The following KHDRBS3 variants were observed in gnomAD, a reference collection of about 807,000 sequenced individuals.
The protein encoded by KHDRBS3 is KH domain-containing, RNA-binding, signal transduction-associated protein 3.
A neutral mutation model predicts 45.6 loss-of-function variants in KHDRBS3; 23 were observed. The observed-to-expected ratio is 0.50, with a 90% CI of 0.36 to 0.72. The LOEUF is 0.72. Among genes scored for constraint, KHDRBS3 ranks in the 30% least tolerant of loss-of-function variants. KHDRBS3 has a pLI of 0.00. For synonymous variants in KHDRBS3, 162 were observed against 156.5 expected (o/e 1.04, Z -0.26); for missense variants, 352 against 424.8 (o/e 0.83, Z 1.51).
At chr8:135,460,277 G>A (rs528590055) in intron 1 of KHDRBS3, among the ~76,000 whole-genome samples, 1 of 152,244 alleles carries the variant, frequency 6.6e-6, no homozygotes, top group Non-Finnish European at 1.5e-5. Flanking sequence ...GGGCCAGCAT[G>A]GCAAACCTTA....
At chr8:135,624,130 A>G (rs1475438383) in intron 7 of KHDRBS3, among the ~76,000 whole-genome samples, 1 of 152,176 alleles carries the variant, frequency 6.6e-6, no homozygotes, top group Non-Finnish European at 1.5e-5. Context: ...TACCGAAAAT[A>G]CCCCAGCCTT....
intron 1 of KHDRBS3, among the ~76,000 whole-genome samples, chr8:135,491,998 A>G (rs1384446329): frequency 6.6e-6 from 1 of 151,612 alleles, no homozygotes; most frequent in Non-Finnish European, 1.5e-5. Flanking sequence ...GAAATGATTA[A>G]TGTTATTTAA....
intron 7 of KHDRBS3, among the ~76,000 whole-genome samples, chr8:135,641,424 T>G (rs1162129524): frequency 6.6e-6 from 1 of 152,230 alleles, no homozygotes; most frequent in East Asian, 1.9e-4. Flanking sequence ...GCAACAGAGA[T>G]AAAATTCTCA....
intron 7 of KHDRBS3, among the ~76,000 whole-genome samples, chr8:135,639,283 A>T (rs1830957361): frequency 6.6e-6 from 1 of 152,210 alleles, no homozygotes; most frequent in Non-Finnish European, 1.5e-5. Flanking sequence ...GGATATATGA[A>T]GTTGAAGATT....
At chr8:135,651,247 G>A (rs553011757), downstream of KHDRBS3, among the ~76,000 whole-genome samples, 1 of 151,768 alleles carries the variant, frequency 6.6e-6, no homozygotes, top group East Asian at 1.9e-4. Flanking sequence ...CTCTAAACAA[G>A]AGTCTAAACT....
chr8:135,460,858 G>A (rs1821393373), intron 1 of KHDRBS3, among the ~76,000 whole-genome samples: 1 of 152,170 alleles, frequency 6.6e-6, no homozygotes, highest in Non-Finnish European at 1.5e-5. Flanking sequence ...TATAGATGAG[G>A]TGTAGTCGTT....
chr8:135,486,565 G>C (rs1822875863), intron 1 of KHDRBS3, among the ~76,000 whole-genome samples: 1 of 152,208 alleles, frequency 6.6e-6, no homozygotes, highest in Admixed American at 6.5e-5. Context: ...AGGGTTATAT[G>C]ACAGGTTAAG....
chr8:135,539,726 T>C (rs1387660904), intron 2 of KHDRBS3: 1 of 152,152 alleles, frequency 6.6e-6, no homozygotes, highest in African/African-American at 2.4e-5. Context: ...ACTCAGGAGA[T>C]AGAAGTAACT....
intron 1 of KHDRBS3, among the ~76,000 whole-genome samples, chr8:135,511,584 C>T (rs1019820093): frequency 8.5e-5 from 13 of 152,186 alleles, no homozygotes; most frequent in Middle Eastern, 3.4e-3. Context: ...GAGACAGTGT[C>T]TAGCTCTGTC....
intron 1 of KHDRBS3, among the ~76,000 whole-genome samples, chr8:135,488,148 A>G (rs1048738015): frequency 9.2e-5 from 14 of 152,210 alleles, no homozygotes; most frequent in Admixed American, 9.2e-4. Flanking sequence ...TTGCATATAT[A>G]GTTATATGTA....
chr8:135,467,470 C>T (rs1452765988), intron 1 of KHDRBS3, among the ~76,000 whole-genome samples: 1 of 152,248 alleles, frequency 6.6e-6, no homozygotes, highest in Non-Finnish European at 1.5e-5. Flanking sequence ...TCACACATTT[C>T]GTGTAGTGTC....
At chr8:135,524,978 C>T (rs541547138) in intron 2 of KHDRBS3, among the ~76,000 whole-genome samples, 2 of 152,210 alleles carry the variant, frequency 1.3e-5, no homozygotes, top group South Asian at 4.1e-4. Flanking sequence ...ACATCTCTGT[C>T]TACTAATTTC....
chr8:135,587,322 G>A (rs536424108), intron 6 of KHDRBS3, among the ~76,000 whole-genome samples: 14 of 152,228 alleles, frequency 9.2e-5, no homozygotes, highest in African/African-American at 1.2e-4. Flanking sequence ...TTATTATTAC[G>A]GGAGTACGTA....
At chr8:135,635,377 G>GTTTGTTTA (rs1363868954) in intron 7 of KHDRBS3, among the ~76,000 whole-genome samples, 1 of 151,848 alleles carries the variant, frequency 6.6e-6, no homozygotes, top group African/African-American at 2.4e-5. Context: ...AGTAGTGTTT[G>GTTTGTTTA]TTTGTTTGTT....
chr8:135,520,370 A>T (rs375462165), intron 1 of KHDRBS3, among the ~76,000 whole-genome samples: 31 of 152,154 alleles, frequency 2.0e-4, no homozygotes, highest in Admixed American at 1.1e-3. Context: ...TGTGCAACCA[A>T]ATACTATGGG....
At chr8:135,619,266 A>G (rs887251730) in intron 7 of KHDRBS3, among the ~76,000 whole-genome samples, 3 of 152,252 alleles carry the variant, frequency 2.0e-5, no homozygotes, top group African/African-American at 4.8e-5. Context: ...TTGTAAGTTT[A>G]TAAAATAGAA....
chr8:135,527,226 T>G (rs989446604), intron 2 of KHDRBS3, among the ~76,000 whole-genome samples: 2 of 152,170 alleles, frequency 1.3e-5, no homozygotes, highest in African/African-American at 4.8e-5. Context: ...CTGCCAGTTT[T>G]TTTTGGTGAA....
chr8:135,542,360 T>C (rs985222659), intron 2 of KHDRBS3: 4 of 311,964 alleles, frequency 1.3e-5, no homozygotes, highest in Non-Finnish European at 1.8e-5. Flanking sequence ...TAACGTGTGC[T>C]GAAACTGTTA....
intron 1 of KHDRBS3, among the ~76,000 whole-genome samples, chr8:135,481,250 A>ATATATATATATATATATATATATATTTT (rs1285436029): frequency 1.6e-5 from 2 of 125,562 alleles, no homozygotes; most frequent in Admixed American, 8.0e-5. Context: ...ATATATATAT[A>ATATATATATATATATATATATATATTTT]TTTAATGTAA....
Sources: allele counts gnomAD v4.1 joint callset (sites outside exome capture counted in the v4.1 genomes callset), GRCh38; gene constraint gnomAD v4.1.1; transcripts MANE v1.5; gene names NCBI Gene and HGNC (gene_info 2026-07-23, HGNC 2026-07-21).